Variants in DCTN5 observed in about 807,000 individuals in gnomAD.
DCTN5 encodes dynactin 4.
Under a neutral mutation model 23.5 loss-of-function variants are expected in DCTN5, and 14 were observed. The ratio of observed to expected loss-of-function variants is 0.60; its 90% confidence interval spans 0.39 to 0.93. The LOEUF (loss-of-function observed/expected upper bound fraction) is 0.93, where lower values mean the gene tolerates loss of function less well. Among genes scored for constraint, DCTN5 ranks in the 40% least tolerant of loss-of-function variants. The pLI, the probability that DCTN5 is intolerant of heterozygous loss-of-function variation, is 0.00. For missense variants in DCTN5, 156 were observed against 225.9 expected, an observed-to-expected ratio of 0.69 and a Z score of 1.98; for synonymous variants, 67 against 79.6, an observed-to-expected ratio of 0.84 and a Z score of 0.84.
intron 5 of DCTN5, chr16:23,666,613 A>T: frequency 5.0e-6 from 1 of 199,866 alleles, no homozygotes; most frequent in Non-Finnish European, 1.0e-5. Context: ...GAGGCACGTC[A>T]TAAATTCACA....
rs190344984 is a variant in DCTN5, at chr16:23,648,910, T to G, written c.117+5887T>G. On this transcript the variant is annotated intron_variant, in intron 2 of 5. Transcript: ENST00000300087. ...TCCCGCTCCATTGCCCATGCTGGAG[T>G]GCAGTGGCGTGATGTCAGCTCACTG... Among the ~76,000 whole-genome samples, 664 of 152,222 alleles carry G rather than the reference T, an allele frequency of 4.4e-3. 2 individuals carry two copies. The highest frequency in any genetic ancestry group is 6.0e-3 in the Non-Finnish European group (407 of 68,008).
At chr16:23,658,383 C>G in intron 2 of DCTN5, 124 bp from the exon 3 acceptor site, 1 of 711,408 alleles carries the variant, frequency 1.4e-6, no homozygotes, top group African/African-American at 1.8e-5. Context: ...TTTGGCGGAA[C>G]ATTTGAAACA....
chr16:23,641,683 C>T (rs1967265508), intron 1 of DCTN5, 93 bp downstream of exon 1: 1 of 1,343,726 alleles, frequency 7.4e-7, no homozygotes, highest in Admixed American at 1.8e-5. Context: ...CCCCACCAAC[C>T]CCTGTCCCTT....
chr16:23,660,393 G>A lies in DCTN5; in HGVS notation c.237-777G>A, dbSNP rs558362439. On this transcript the variant is annotated intron_variant, in intron 3 of 5. Coordinates refer to ENST00000300087, the MANE Select transcript of DCTN5 (RefSeq NM_032486.4). ...CAAATATTTTACATCCCAAGGTATA[G>A]AAATTACATATAAATGTGATCACAG... is the stretch of plus-strand genomic sequence containing the variant. Among the ~76,000 whole-genome samples the A allele has an allele frequency of 4.6e-5, 7 of 152,292 alleles. No individual in the cohort carries two copies. The South Asian group carries it at 1.5e-3, about 32-fold the overall frequency.
intron 1 of DCTN5, chr16:23,642,623 C>T (rs1320175998): frequency 4.7e-6 from 1 of 212,002 alleles, no homozygotes; most frequent in Non-Finnish European, 9.6e-6. Context: ...GCTGGGACTA[C>T]AGACACGCGC....
At chr16:23,649,712 C>T (rs574729862) in intron 2 of DCTN5, among the ~76,000 whole-genome samples, 60 of 151,914 alleles carry the variant, frequency 3.9e-4, no homozygotes, top group African/African-American at 1.4e-3. Flanking sequence ...GTGTGGCATG[C>T]TTGTAATCCC....
At chr16:23,654,575 TAACA>T (rs998078660) in intron 2 of DCTN5, among the ~76,000 whole-genome samples, 30 of 152,200 alleles carry the variant, frequency 2.0e-4, no homozygotes, top group African/African-American at 6.5e-4. Context: ...TTTACCTATG[TAACA>T]AACCTGCATA....
rs1967949478 is a variant in DCTN5, at chr16:23,668,616, G to GGAAGGAGATTCTGCTAGTAA, written c.*1473_*1492dup. 1 of 152,212 alleles carries GGAAGGAGATTCTGCTAGTAA rather than the reference G, an allele frequency of 6.6e-6. No homozygotes were observed. The highest frequency in any genetic ancestry group is 1.5e-5 in the Non-Finnish European group (1 of 68,062). The allele number at this position is 152,212 out of a possible 1,614,324, so 9.4% of individuals were successfully genotyped here. On this transcript the variant is annotated 3_prime_UTR_variant, in exon 6 of 6. Coordinates refer to ENST00000300087, the MANE Select transcript of DCTN5 (RefSeq NM_032486.4). ...TCTACTTGGGCAGCCAAAACTCTGA[G>GGAAGGAGATTCTGCTAGTAA]GAAGGAGATTCTGCTAGTAAAAAGG...
intron 4 of DCTN5, among the ~76,000 whole-genome samples, chr16:23,663,036 T>G (rs1967843253): frequency 6.6e-6 from 1 of 152,194 alleles, no homozygotes; most frequent in African/African-American, 2.4e-5. Flanking sequence ...CTTTTAGAAT[T>G]CTAGAATCTC....
At chr16:23,643,073 T>TGTGGTGAC in intron 2 of DCTN5, 50 bp downstream of exon 2, 1 of 1,476,416 alleles carries the variant, frequency 6.8e-7, no homozygotes, top group Non-Finnish European at 9.5e-7. Flanking sequence ...TGCGTTCTGC[T>TGTGGTGAC]AATTGTCACC....
At chr16:23,659,701 A>T (rs1373794499) in intron 3 of DCTN5, among the ~76,000 whole-genome samples, 1 of 152,248 alleles carries the variant, frequency 6.6e-6, no homozygotes, top group Admixed American at 6.5e-5. Flanking sequence ...AAATAATCCC[A>T]CATTTCCAAT....
intron 2 of DCTN5, chr16:23,650,674 T>A (rs1967584398): frequency 1.5e-6 from 2 of 1,314,204 alleles, no homozygotes; most frequent in African/African-American, 2.9e-5. Context: ...TTATCCACCC[T>A]CCTCTTGGTG....
chr16:23,652,970 C>G (rs1463122458), intron 2 of DCTN5, among the ~76,000 whole-genome samples: 1 of 151,968 alleles, frequency 6.6e-6, no homozygotes, highest in Non-Finnish European at 1.5e-5. Flanking sequence ...TAGGGAGACC[C>G]CCATCTCTAC....
rs540983591 is a variant in DCTN5, at chr16:23,663,568, TAACTG to T, written c.349-2057_349-2053del. ...GTCTCTACTAAAAATACAAAAAAATTAACTGGGCATGGTAGCACATGCCTGTAATC... is the reference window on the plus strand; with the variant it reads ...GTCTCTACTAAAAATACAAAAAAATTGGCATGGTAGCACATGCCTGTAATC... On this transcript the variant is annotated intron_variant, in intron 4 of 5. Transcript: ENST00000300087. 4.9e-4 allele frequency among the ~76,000 whole-genome samples: 74 copies of T among 151,884 alleles called. 1 individual carries two copies. Among genetic ancestry groups the T allele is most frequent in the Non-Finnish European group, 6.0e-4 (41 of 67,918 alleles).
chr16:23,662,989 G>A (rs192324792), intron 4 of DCTN5, among the ~76,000 whole-genome samples: 5 of 152,214 alleles, frequency 3.3e-5, no homozygotes, highest in East Asian at 1.9e-4. Flanking sequence ...GGCGGTACTC[G>A]CTGAGCCTTG....
intron 4 of DCTN5, among the ~76,000 whole-genome samples, chr16:23,662,863 G>A (rs573511321): frequency 6.6e-6 from 1 of 152,336 alleles, no homozygotes; most frequent in African/African-American, 2.4e-5. Context: ...TGTCTGAAAG[G>A]TTGAATCCAA....
intron 2 of DCTN5, among the ~76,000 whole-genome samples, chr16:23,655,487 C>T (rs1451424957): frequency 3.9e-5 from 6 of 151,902 alleles, no homozygotes; most frequent in East Asian, 1.9e-4. Context: ...GTGATCCTTC[C>T]GCCTCAGCCT....
intron 2 of DCTN5, chr16:23,650,655 C>T: frequency 8.6e-7 from 1 of 1,158,554 alleles, no homozygotes. Flanking sequence ...CTGCTGTGTA[C>T]AATTCCACTT....
At chr16:23,666,942 T>C (rs1967917790) in intron 5 of DCTN5, 105 bp from the exon 6 acceptor site, 2 of 1,517,448 alleles carry the variant, frequency 1.3e-6, no homozygotes, top group Non-Finnish European at 8.9e-7. Flanking sequence ...TTTAAGTGAT[T>C]GTCAGACATG....
Sources: allele counts gnomAD v4.1 joint callset (sites outside exome capture counted in the v4.1 genomes callset), GRCh38; gene constraint gnomAD v4.1.1; transcripts MANE v1.5; gene names NCBI Gene and HGNC (gene_info 2026-07-23, HGNC 2026-07-21).